DDX31: variants seen among roughly 807,000 people sequenced by gnomAD.
DDX31 encodes ATP-dependent DNA helicase DDX31.
DDX31 carries 70 observed loss-of-function variants against 91.3 expected under a neutral mutation model. The ratio of observed to expected loss-of-function variants is 0.77; its 90% CI spans 0.63 to 0.94. The LOEUF (loss-of-function observed/expected upper bound fraction) is 0.94, where lower values mean the gene tolerates loss of function less well. DDX31 is among the 40% of genes least tolerant of loss of function. The pLI, the probability that DDX31 is intolerant of heterozygous loss-of-function variation, is 0.00. For missense variants in DDX31, 902 were observed against 925.0 expected, an observed-to-expected ratio of 0.98 and a Z score of 0.32; for synonymous variants, 362 against 350.6, an observed-to-expected ratio of 1.03 and a Z score of -0.36.
intron 19 of DDX31, among the ~76,000 whole-genome samples, chr9:132,599,572 A>G (rs1187023025): frequency 6.6e-6 from 1 of 152,242 alleles, no homozygotes; most frequent in Non-Finnish European, 1.5e-5. Flanking sequence ...ATAACAGTAT[A>G]TTCACTCTAA....
Position 132,658,700 on chromosome 9 carries a change from A to G in DDX31, c.559T>C (p.Ser187Pro). The change falls in exon 6 of 20, where the codon TCC becomes CCC. Residue 187 changes from serine (S) to proline (P), a missense_variant. Ser to Pro is a moderately conservative substitution (Grantham distance 74, BLOSUM62 -1). Coordinates refer to ENST00000372159, the MANE Select transcript of DDX31 (RefSeq NM_022779.9). ...ATTTTTGACTCCATTGCTTGAAGGGACTGGACCACAGGGATGCAATAGGCA... is the reference window on the plus strand; with the variant it reads ...ATTTTTGACTCCATTGCTTGAAGGGGCTGGACCACAGGGATGCAATAGGCA... ...TLAYCIPVVQ[S>P]LQAMESKIQR... The G allele has an allele frequency of 6.2e-7, 1 of 1,613,972 alleles. No individual in the cohort carries two copies. Among genetic ancestry groups the G allele is most frequent in the Non-Finnish European group, 8.5e-7 (1 of 1,179,968 alleles).
intron 17 of DDX31, among the ~76,000 whole-genome samples, chr9:132,622,866 C>T (rs1290603969): frequency 1.3e-5 from 2 of 152,158 alleles, no homozygotes; most frequent in African/African-American, 4.8e-5. Context: ...TGTGGTGGCT[C>T]ATGCTTGTAA....
chr9:132,662,774 C>A (rs970800752), intron 1 of DDX31, 79 bp from the exon 2 acceptor site: 2 of 1,572,900 alleles, frequency 1.3e-6, no homozygotes, highest in African/African-American at 2.7e-5. Flanking sequence ...AGCCTGACTG[C>A]CCACAGAATT....
rs777745887 is a variant in DDX31 at position 132,669,916 on chromosome 9, A to T, written c.19T>A (p.Ser7Thr). ...AACGTCCTGGGGTTGTCGAAGAGCG[A>T]ACCGTCGGCGGCTGCCATGGTCTGC... MAAADG[S>T]LFDNPRTFSR... The change falls in exon 1 of 20, where the codon TCG becomes ACG. Residue 7 changes from serine (S) to threonine (T), a missense_variant. Physicochemically the swap from Ser to Thr is moderately conservative, Grantham distance 58. Coordinates refer to ENST00000372159, the MANE Select transcript of DDX31 (RefSeq NM_022779.9). 5 of 1,596,034 alleles carry T rather than the reference A, an allele frequency of 3.1e-6. No individual in the cohort carries two copies. Among genetic ancestry groups the T allele is most frequent in the Non-Finnish European group, 4.3e-6 (5 of 1,172,312 alleles).
intron 19 of DDX31, among the ~76,000 whole-genome samples, chr9:132,604,230 T>C (rs992221807): frequency 1.3e-5 from 2 of 152,166 alleles, no homozygotes; most frequent in Non-Finnish European, 2.9e-5. Flanking sequence ...ATTTGACAAA[T>C]GGTCCCTGAG....
chr9:132,618,573 T>A, intron 17 of DDX31, 132 bp from the exon 18 acceptor site: 1 of 634,798 alleles, frequency 1.6e-6, no homozygotes, highest in Non-Finnish European at 2.5e-6. Flanking sequence ...ATCCTTTCAA[T>A]ATTACTAGGA....
chr9:132,639,465 T>C (rs1286496118), intron 14 of DDX31, among the ~76,000 whole-genome samples: 1 of 152,194 alleles, frequency 6.6e-6, no homozygotes, highest in Non-Finnish European at 1.5e-5. Context: ...GAGTTCTCTT[T>C]CCATGTGGCA....
intron 14 of DDX31, among the ~76,000 whole-genome samples, chr9:132,639,928 T>G (rs989248809): frequency 6.6e-6 from 1 of 152,212 alleles, no homozygotes; most frequent in Non-Finnish European, 1.5e-5. Context: ...AATGAAAAAC[T>G]TATTCCCAGT....
chr9:132,596,830 G>A (rs1336026368), intron 19 of DDX31, among the ~76,000 whole-genome samples: 1 of 152,202 alleles, frequency 6.6e-6, no homozygotes, highest in Non-Finnish European at 1.5e-5. Flanking sequence ...AGTGGGGCAG[G>A]AGCCAGGCAA....
At chr9:132,609,174 G>C (rs1285327759) in intron 19 of DDX31, among the ~76,000 whole-genome samples, 1 of 152,052 alleles carries the variant, frequency 6.6e-6, no homozygotes, top group African/African-American at 2.4e-5. Context: ...CATTGTCACG[G>C]GCGGAGTAAT....
At chr9:132,602,039 G>A (rs932628384) in intron 19 of DDX31, among the ~76,000 whole-genome samples, 2 of 152,348 alleles carry the variant, frequency 1.3e-5, no homozygotes, top group African/African-American at 2.4e-5. Flanking sequence ...GTGAACTAAG[G>A]CCTGGTCTGA....
chr9:132,624,071 G>A (rs1832229458), intron 17 of DDX31, among the ~76,000 whole-genome samples: 1 of 149,648 alleles, frequency 6.7e-6, no homozygotes, highest in South Asian at 2.1e-4. Context: ...AGAGGCTGAG[G>A]CAGAAGAATC....
intron 6 of DDX31, chr9:132,658,021 T>C (rs536674751): frequency 8.5e-6 from 3 of 351,056 alleles, no homozygotes; most frequent in African/African-American, 2.1e-5. Context: ...AAACACCACA[T>C]TGGAACTTAG....
At chr9:132,653,494 CAAAAAAAAAAAAAAAAAAAAAAAAA>C (rs71376648) in intron 6 of DDX31, among the ~76,000 whole-genome samples, 5,643 of 21,032 alleles carry the variant, frequency 0.27, 586 homozygotes, top group African/African-American at 0.46. Context: ...AACTCAGTCT[CAAAAAAAAAAAAAAAAAAAAAAAAA>C]AAAAAAAAAA....
At chr9:132,611,004 C>G (rs421380) in intron 19 of DDX31, among the ~76,000 whole-genome samples, 1 of 152,092 alleles carries the variant, frequency 6.6e-6, no homozygotes, top group Non-Finnish European at 1.5e-5. Flanking sequence ...GATGGAATAA[C>G]TGACACTTCC....
At chr9:132,623,629 A>ACGTGACC (rs1303864568) in intron 17 of DDX31, among the ~76,000 whole-genome samples, 1 of 152,090 alleles carries the variant, frequency 6.6e-6, no homozygotes, top group East Asian at 1.9e-4. Flanking sequence ...CAGATGAGGA[A>ACGTGACC]CGTGACCCTG....
intron 6 of DDX31, chr9:132,658,359 C>A: frequency 2.8e-6 from 2 of 703,206 alleles, no homozygotes; most frequent in South Asian, 3.0e-5. Context: ...ACAGTAATAC[C>A]TATAACACAG....
chr9:132,605,229 CTAT>C (rs1204902802), intron 19 of DDX31, among the ~76,000 whole-genome samples: 1 of 152,204 alleles, frequency 6.6e-6, no homozygotes, highest in Non-Finnish European at 1.5e-5. Context: ...TTCTACTCAT[CTAT>C]TACAAAAAAT....
At chr9:132,631,911 C>G (rs138193514) in intron 15 of DDX31, 130 bp downstream of exon 15, 2 of 768,976 alleles carry the variant, frequency 2.6e-6, no homozygotes, top group Non-Finnish European at 4.1e-6. Context: ...ACAGATAAGG[C>G]TGGTTTGCTG....
Sources: allele counts gnomAD v4.1 joint callset (sites outside exome capture counted in the v4.1 genomes callset), GRCh38; gene constraint gnomAD v4.1.1; transcripts MANE v1.5; gene names NCBI Gene and HGNC (gene_info 2026-07-23, HGNC 2026-07-21).